The following CHST11 variants were observed in gnomAD, a reference collection of about 807,000 sequenced individuals.
CHST11 encodes carbohydrate sulfotransferase 11.
In CHST11, 9 loss-of-function variants were observed where a neutral mutation model predicts 30.4. The observed-to-expected ratio is 0.30, with a 90% CI of 0.18 to 0.52. CHST11 has a LOEUF of 0.52. Among genes scored for constraint, CHST11 ranks in the 20% least tolerant of loss-of-function variants. CHST11 has a pLI of 0.97. For missense variants in CHST11, 348 were observed against 460.6 expected, an observed-to-expected ratio of 0.76 and a Z score of 2.24; for synonymous variants, 152 against 187.8, an observed-to-expected ratio of 0.81 and a Z score of 1.56.
chr12:104,518,105 G>A (rs1224565733), intron 1 of CHST11, among the ~76,000 whole-genome samples: 2 of 152,038 alleles, frequency 1.3e-5, no homozygotes, highest in African/African-American at 4.8e-5. Flanking sequence ...GGGCAACATA[G>A]TGAGACCCTT....
intron 1 of CHST11, among the ~76,000 whole-genome samples, chr12:104,543,796 T>A (rs1365382459): frequency 6.6e-6 from 1 of 152,114 alleles, no homozygotes; most frequent in Admixed American, 6.5e-5. Context: ...AGGAGCTGAT[T>A]ATTATATTTT....
At chr12:104,687,919 C>T (rs1030819265) in intron 2 of CHST11, among the ~76,000 whole-genome samples, 1 of 152,114 alleles carries the variant, frequency 6.6e-6, no homozygotes, top group South Asian at 2.1e-4. Flanking sequence ...AGTTTAATGC[C>T]GTTGGGTGAG....
intron 1 of CHST11, among the ~76,000 whole-genome samples, chr12:104,529,878 C>G (rs1290750310): frequency 1.3e-5 from 2 of 152,174 alleles, no homozygotes; most frequent in African/African-American, 2.4e-5. Flanking sequence ...TGATTACAGG[C>G]TGGGTGCGGT....
chr12:104,621,352 C>A (rs2039156799), intron 2 of CHST11, among the ~76,000 whole-genome samples: 1 of 152,240 alleles, frequency 6.6e-6, no homozygotes, highest in Admixed American at 6.5e-5. Context: ...CTAGACCTTG[C>A]CATTGGCCCA....
At chr12:104,627,359 G>A (rs1287868409) in intron 2 of CHST11, among the ~76,000 whole-genome samples, 1 of 152,172 alleles carries the variant, frequency 6.6e-6, no homozygotes, top group Non-Finnish European at 1.5e-5. Flanking sequence ...TAAATACCAA[G>A]GAGAGTGATT....
intron 1 of CHST11, among the ~76,000 whole-genome samples, chr12:104,542,303 G>C (rs79895254): frequency 0.039 from 5,901 of 152,282 alleles, 396 homozygotes; most frequent in African/African-American, 0.13. Flanking sequence ...TATTTGTACA[G>C]CTATGTTCAT....
intron 2 of CHST11, among the ~76,000 whole-genome samples, chr12:104,628,557 C>T (rs187220245): frequency 1.4e-3 from 217 of 152,220 alleles, no homozygotes; most frequent in African/African-American, 4.7e-3. Flanking sequence ...CGTTGAATTC[C>T]GCTGACAGAA....
At chr12:104,579,979 A>G (rs1317844670) in intron 1 of CHST11, among the ~76,000 whole-genome samples, 1 of 152,234 alleles carries the variant, frequency 6.6e-6, no homozygotes, top group Non-Finnish European at 1.5e-5. Flanking sequence ...ATCATTGCTT[A>G]TAATTGAAGA....
intron 1 of CHST11, among the ~76,000 whole-genome samples, chr12:104,469,258 G>A (rs935461446): frequency 2.0e-5 from 3 of 152,172 alleles, no homozygotes; most frequent in South Asian, 4.1e-4. Flanking sequence ...AGGCATACCC[G>A]CTGCCAAGGC....
At position 104,759,823 on chromosome 12, in the gene CHST11, C is replaced by T. The variant is rs1344021238; in HGVS notation, c.*2020C>T. The T allele has an allele frequency of 2.0e-5, 3 of 152,130 alleles. No individual in the cohort carries two copies. 9.4% of individuals were successfully genotyped at this position (152,130 alleles called of 1,614,324 possible). ...GTGTTTTACTGGGTAGAGTGACAGA[C>T]CTTGGCTGTCCCTGGAATTGAGAAT... On this transcript the variant is annotated 3_prime_UTR_variant, in exon 3 of 3. Transcript: ENST00000303694.
intron 2 of CHST11, among the ~76,000 whole-genome samples, chr12:104,739,954 A>T (rs2040333578): frequency 6.6e-6 from 1 of 152,218 alleles, no homozygotes; most frequent in Admixed American, 6.5e-5. Flanking sequence ...AGTTCCAGAC[A>T]TCCTAGGGAG....
intron 2 of CHST11, among the ~76,000 whole-genome samples, chr12:104,719,865 G>A (rs534736992): frequency 6.6e-6 from 1 of 152,300 alleles, no homozygotes; most frequent in African/African-American, 2.4e-5. Context: ...GGAACACTGT[G>A]TCCCAGCTGC....
intron 2 of CHST11, among the ~76,000 whole-genome samples, chr12:104,665,580 C>T (rs554085017): frequency 6.6e-6 from 1 of 152,008 alleles, no homozygotes; most frequent in African/African-American, 2.4e-5. Context: ...CTTAGTTCAT[C>T]AACCTAAAGT....
chr12:104,564,365 C>T (rs768650633), intron 1 of CHST11, among the ~76,000 whole-genome samples: 3 of 152,202 alleles, frequency 2.0e-5, no homozygotes, highest in Admixed American at 6.5e-5. Context: ...CTGTGTTGGA[C>T]GAATGACAAT....
chr12:104,656,197 T>TGAG (rs1233891245), intron 2 of CHST11, among the ~76,000 whole-genome samples: 24 of 152,306 alleles, frequency 1.6e-4, no homozygotes, highest in Non-Finnish European at 3.2e-4. Flanking sequence ...AACAAATGAG[T>TGAG]GAGGAACAGA....
intron 1 of CHST11, chr12:104,552,061 C>A (rs887370139): frequency 2.6e-5 from 4 of 152,194 alleles, no homozygotes; most frequent in African/African-American, 4.8e-5. Context: ...TACAGGATCA[C>A]CAGGCTGTCT....
At chr12:104,510,832 A>G (rs2037958238) in intron 1 of CHST11, among the ~76,000 whole-genome samples, 2 of 151,220 alleles carry the variant, frequency 1.3e-5, no homozygotes, top group Non-Finnish European at 2.9e-5. Flanking sequence ...TTTTTAAGAG[A>G]GGAGTCAACA....
At chr12:104,501,324 CATAG>C (rs1400320672) in intron 1 of CHST11, among the ~76,000 whole-genome samples, 1 of 152,120 alleles carries the variant, frequency 6.6e-6, no homozygotes, top group Non-Finnish European at 1.5e-5. Context: ...TTGATGGACA[CATAG>C]TAGAGCCCTG....
intron 1 of CHST11, among the ~76,000 whole-genome samples, chr12:104,529,246 T>C (rs1328945020): frequency 1.3e-5 from 2 of 152,232 alleles, no homozygotes; most frequent in Non-Finnish European, 2.9e-5. Context: ...CTGGGGGTTA[T>C]TAGATTCCTT....
Sources: gnomAD v4.1 joint callset for allele counts (sites outside exome capture counted in the v4.1 genomes callset) on GRCh38, gnomAD v4.1.1 for gene constraint, MANE v1.5 for transcripts, NCBI Gene and HGNC (gene_info 2026-07-23, HGNC 2026-07-21) for gene names.